The following DUOX1 variants were observed in gnomAD, a reference collection of about 807,000 sequenced individuals.
DUOX1 encodes the protein NADPH thyroid oxidase 1.
DUOX1 carries 134 observed loss-of-function variants against 181.8 expected under a neutral mutation model. That is an observed-to-expected ratio of 0.74 (90% CI 0.64 to 0.85). The LOEUF (loss-of-function observed/expected upper bound fraction) is 0.85, where lower values mean the gene tolerates loss of function less well. Among genes scored for constraint, DUOX1 ranks in the 40% least tolerant of loss-of-function variants. DUOX1 has a pLI of 0.00. For synonymous variants in DUOX1, 798 were observed against 832.5 expected (o/e 0.96, Z 0.71); for missense variants, 1,814 against 2,064.4 (o/e 0.88, Z 2.35).
At chr15:45,131,257 GGAGA>G (rs147316308) in intron 1 of DUOX1, among the ~76,000 whole-genome samples, 1 of 152,010 alleles carries the variant, frequency 6.6e-6, no homozygotes, top group South Asian at 2.1e-4. Context: ...GACTCTGGGT[GGAGA>G]GAGAGAGAGC....
At position 45,148,459 on chromosome 15, in the gene DUOX1, T is replaced by G; in HGVS notation, c.2818+12T>G. 6.2e-7 allele frequency: 1 copy of G among 1,606,424 alleles called. No individual in the cohort carries two copies. Among genetic ancestry groups the G allele is most frequent in the Non-Finnish European group, 8.5e-7 (1 of 1,175,242 alleles). ...GCTCTGTGTCAAAGGTGGGGCAGCC[T>G]GGTAGGCAGCACTGACTCATTGGTT... On this transcript the variant is annotated intron_variant, in intron 21 of 33. Coordinates refer to ENST00000389037, the MANE Select transcript of DUOX1 (RefSeq NM_175940.3).
intron 30 of DUOX1, 79 bp from the exon 31 acceptor site, chr15:45,162,140 C>T: frequency 6.4e-7 from 1 of 1,551,648 alleles, no homozygotes. Context: ...TACGTATCTA[C>T]CTTTCCTTTT....
At chr15:45,136,742 A>G in intron 9 of DUOX1, 117 bp downstream of exon 9, 1 of 886,206 alleles carries the variant, frequency 1.1e-6, no homozygotes, top group South Asian at 1.5e-5. Flanking sequence ...CCCAAGGGAA[A>G]GACCGATAGA....
Position 45,151,238 on chromosome 15 carries a change from T to C in DUOX1, c.3004T>C (p.Phe1002Leu). The C allele has an allele frequency of 6.2e-7, 1 of 1,613,832 alleles. No individual in the cohort carries two copies. The highest frequency in any genetic ancestry group is 1.1e-5 in the South Asian group (1 of 91,040). The change falls in exon 23 of 34, where the codon TTT becomes CTT. Residue 1002 changes from phenylalanine (F) to leucine (L), a missense_variant. Transcript: ENST00000389037. ...TDPPQEIRRR[F>L]GKKVTSFQPL... ...CCCTCCCCAGGAGATTCGGCGGAGG[T>C]TTGGCAAGAAGTATGTCTGCTCTTC... is the stretch of plus-strand genomic sequence containing the variant.
intron 12 of DUOX1, 163 bp from the exon 13 acceptor site, chr15:45,140,732 C>A: frequency 3.2e-6 from 2 of 620,128 alleles, no homozygotes; most frequent in Non-Finnish European, 5.4e-6. Flanking sequence ...TTATGTAAAA[C>A]ACTCAGAGAA....
At chr15:45,149,177 C>T (rs187829266) in intron 21 of DUOX1, among the ~76,000 whole-genome samples, 2 of 152,268 alleles carry the variant, frequency 1.3e-5, no homozygotes, top group East Asian at 3.9e-4. Flanking sequence ...AAACCCAGCC[C>T]CTCCCAGAAT....
rs1896316145 is a variant in DUOX1, at chr15:45,136,397, C to T, written c.912C>T (p.Leu304=). The change falls in exon 8 of 34, where the codon CTC becomes CTT. Residue 304 remains leucine, a synonymous_variant. Transcript: ENST00000389037. ...EWLPSFLQKT[L]PEYTGYRPFL... ...TGCCCAGCTTCCTGCAGAAAACACTCCCGGAGTATACAGGTGAGGGAGCGG... is the reference window on the plus strand; with the variant it reads ...TGCCCAGCTTCCTGCAGAAAACACTTCCGGAGTATACAGGTGAGGGAGCGG... The T allele has an allele frequency of 6.2e-7, 1 of 1,614,134 alleles. No individual in the cohort carries two copies.
intron 2 of DUOX1, 35 bp downstream of exon 2, chr15:45,132,059 G>A: frequency 6.4e-7 from 1 of 1,563,596 alleles, no homozygotes. Context: ...ATGGTTAGGA[G>A]CAGAGGAACC....
At chr15:45,162,815 A>C (rs544418009) in intron 31 of DUOX1, among the ~76,000 whole-genome samples, 56 of 152,350 alleles carry the variant, frequency 3.7e-4, no homozygotes, top group African/African-American at 1.3e-3. Flanking sequence ...GAGTGGTGGC[A>C]AGGCAGGGCT....
intron 28 of DUOX1, among the ~76,000 whole-genome samples, chr15:45,157,585 G>A (rs758475666): frequency 6.6e-6 from 1 of 152,120 alleles, no homozygotes. Context: ...TTGAGATGCC[G>A]AGGTGGGTGG....
chr15:45,135,663 C>A lies in DUOX1; in HGVS notation c.685C>A (p.Arg229=). 2 of 1,499,390 alleles carry A rather than the reference C, an allele frequency of 1.3e-6. No individual in the cohort carries two copies. The highest frequency in any genetic ancestry group is 1.3e-5 in the South Asian group (1 of 76,146). 92.9% of individuals were successfully genotyped at this position (1,499,390 alleles called of 1,614,324 possible). Residue 229 remains arginine, a synonymous_variant, in exon 6 of 34, where the codon CGG becomes AGG. Coordinates refer to ENST00000389037, the MANE Select transcript of DUOX1 (RefSeq NM_175940.3). ...CCCCGCCACCGGGCAGAACGGGCCC[C>A]GGGGGCTGTACGGTGAGGCCACAGG... ...PDPATGQNGP[R]GLYAFGAERG... is the part of the protein sequence containing the mutation.
At chr15:45,153,295 G>A in intron 25 of DUOX1, 85 bp from the exon 26 acceptor site, 1 of 985,680 alleles carries the variant, frequency 1.0e-6, no homozygotes, top group South Asian at 1.3e-5. Flanking sequence ...CCCCCACTCT[G>A]GCCAGGGTCC....
At chr15:45,130,466 T>C (rs1404569841) in intron 1 of DUOX1, among the ~76,000 whole-genome samples, 1 of 152,136 alleles carries the variant, frequency 6.6e-6, no homozygotes, top group Non-Finnish European at 1.5e-5. Context: ...TTGACCCATC[T>C]TCCTCCCACC....
chr15:45,155,153 G>A (rs954347695), intron 27 of DUOX1, among the ~76,000 whole-genome samples: 2 of 152,238 alleles, frequency 1.3e-5, no homozygotes, highest in African/African-American at 2.4e-5. Context: ...TAGGGCCCAC[G>A]GTGTGCCAGG....
intron 29 of DUOX1, among the ~76,000 whole-genome samples, chr15:45,161,333 C>T (rs776973537): frequency 2.1e-5 from 3 of 141,028 alleles, no homozygotes; most frequent in Non-Finnish European, 3.0e-5. Context: ...GCAGGAGAAT[C>T]GGTTGAACCT....
intron 23 of DUOX1, 98 bp downstream of exon 23, chr15:45,151,346 G>A (rs1896797118): frequency 1.4e-6 from 2 of 1,479,344 alleles, no homozygotes; most frequent in Non-Finnish European, 1.8e-6. Context: ...AAACATTGTG[G>A]GTACAGGCAG....
chr15:45,165,022 G>C lies in DUOX1; in HGVS notation c.*121G>C, dbSNP rs1897193563. The C allele has an allele frequency of 8.5e-7, 1 of 1,180,558 alleles. No individual in the cohort carries two copies. Among genetic ancestry groups the C allele is most frequent in the South Asian group, 1.4e-5 (1 of 70,776 alleles). The allele number at this position is 1,180,558 out of a possible 1,614,324, so 73.1% of individuals were successfully genotyped here. A position where few individuals can be genotyped will look rare whatever the true frequency, so the allele number is the denominator to read the frequency against. On this transcript the variant is annotated 3_prime_UTR_variant, in exon 34 of 34. Coordinates refer to ENST00000389037, the MANE Select transcript of DUOX1 (RefSeq NM_175940.3). ...CTCTGATTTCCCACCTCCCAACCTT[G>C]TTCCAGGTGGCCATAGTCAGTCACC... is the stretch of plus-strand genomic sequence containing the variant.
chr15:45,153,412 T>C lies in DUOX1; in HGVS notation c.3457T>C (p.Tyr1153His), dbSNP rs199813078. Residue 1153 changes from tyrosine (Y) to histidine (H), a missense_variant, in exon 26 of 34, where the codon TAC becomes CAC. Tyr to His is a moderately conservative substitution (Grantham distance 83). Around this residue, in one of 5 missense-constraint regions of DUOX1, gnomAD observed 1,064 missense variants for 1,152.9 expected, o/e 0.92. Transcript: ENST00000389037. ...LHSVGHVVNV[Y>H]LFSISPLSVL... ...CAGTGTGGGCCATGTGGTGAATGTG[T>C]ACCTGTTCTCCATCAGCCCCCTCAG... The C allele has an allele frequency of 1.4e-5, 23 of 1,614,016 alleles. No individual in the cohort carries two copies. In the East Asian group the frequency reaches 1.6e-4, roughly 11 times the overall value.
intron 27 of DUOX1, among the ~76,000 whole-genome samples, chr15:45,154,324 A>C (rs1389063475): frequency 6.6e-5 from 10 of 152,014 alleles, no homozygotes; most frequent in Non-Finnish European, 1.5e-4. Context: ...CCCAATACAC[A>C]CACATACCCT....
Sources: allele counts gnomAD v4.1 joint callset (sites outside exome capture counted in the v4.1 genomes callset), GRCh38; gene constraint gnomAD v4.1.1; regional missense constraint gnomAD v4.1.1; transcripts MANE v1.5; gene names NCBI Gene and HGNC (gene_info 2026-07-23, HGNC 2026-07-21).